Variants in BMPR1B observed in about 807,000 individuals in gnomAD.
BMPR1B encodes the protein bone morphogenetic protein receptor type 1B, also known as bone morphogenetic protein receptor type-1B.
Under a neutral mutation model 59.1 loss-of-function variants are expected in BMPR1B, and 12 were observed. That is an observed-to-expected ratio of 0.20 (90% CI 0.13 to 0.33). The LOEUF (loss-of-function observed/expected upper bound fraction) is 0.33. BMPR1B is among the 10% of genes least tolerant of loss of function. The probability of loss-of-function intolerance (pLI) is 1.00; values close to 1 mark genes in which losing one functional copy is unlikely to be tolerated. For missense variants in BMPR1B, 550 were observed against 610.9 expected (o/e 0.90, Z 1.05); for synonymous variants, 237 against 207.3 (o/e 1.14, Z -1.23).
rs34970181 is a variant in BMPR1B at position 95,148,783 on chromosome 4, G to T, written c.1112G>T (p.Arg371Leu). The T allele has an allele frequency of 2.0e-5, 32 of 1,613,756 alleles. No homozygotes were observed. Among genetic ancestry groups the T allele is most frequent in the South Asian group, 3.3e-5 (3 of 91,074 alleles). Residue 371 changes from arginine to leucine, a missense_variant, in exon 11 of 13, where the codon CGA becomes CTA. Arg to Leu is a moderately radical substitution (Grantham distance 102). This residue lies in a region of BMPR1B where 318 missense variants were observed against 284.6 expected (regional missense o/e 1.12). Transcript: ENST00000515059. The part of the protein sequence containing the change: ...TNEVDIPPNT[R>L]VGTKRYMPPE... ...GAAGTTGACATACCACCTAACACTC[G>T]AGTTGGCACCAAACGCTATATGCCT...
chr4:94,973,770 T>C (rs923626646), intron 2 of BMPR1B, among the ~76,000 whole-genome samples: 6 of 152,172 alleles, frequency 3.9e-5, no homozygotes, highest in Admixed American at 6.5e-5. Flanking sequence ...AGCATTTTCA[T>C]AGAACCCAGT....
rs914259395 is a variant in BMPR1B at position 95,158,370 on chromosome 4, G to A, written c.*3697G>A. On this transcript the variant is annotated 3_prime_UTR_variant, in exon 13 of 13. Coordinates refer to ENST00000515059, the MANE Select transcript of BMPR1B (RefSeq NM_001203.3). ...GGACTAGGGAACAAACAATTGTATT[G>A]TATTTGTTACAGATTGTATATGGCT... is the stretch of plus-strand genomic sequence containing the variant. 3 of 152,162 alleles carry A rather than the reference G, an allele frequency of 2.0e-5. No homozygotes were observed. The highest frequency in any genetic ancestry group is 4.4e-5 in the Non-Finnish European group (3 of 67,998). 9.4% of individuals were successfully genotyped at this position (152,162 alleles called of 1,614,324 possible). A position where few individuals can be genotyped will look rare whatever the true frequency, so the allele number is the denominator to read the frequency against.
chr4:94,836,336 T>C (rs1418838168), intron 1 of BMPR1B, among the ~76,000 whole-genome samples: 5 of 150,332 alleles, frequency 3.3e-5, no homozygotes, highest in African/African-American at 1.2e-4. Flanking sequence ...ATCGCCACAC[T>C]GACTTCCACA....
rs1167993081 is a variant in BMPR1B at position 95,042,972 on chromosome 4, G to A, written c.-18+46838G>A. On this transcript the variant is annotated intron_variant, in intron 3 of 12. Coordinates refer to ENST00000515059, the MANE Select transcript of BMPR1B (RefSeq NM_001203.3). ...GGGTGGATCATGAGGTCAGGAGATC[G>A]AGACCATCCTGGCTAACAAGGTGAA... is the stretch of plus-strand genomic sequence containing the variant. Among the ~76,000 whole-genome samples the A allele has an allele frequency of 4.0e-5, 6 of 150,984 alleles. No homozygotes were observed. The South Asian group carries it at 8.4e-4, about 21-fold the overall frequency.
chr4:94,830,013 A>G (rs770322642), intron 1 of BMPR1B, among the ~76,000 whole-genome samples: 38 of 152,308 alleles, frequency 2.5e-4, no homozygotes, highest in Non-Finnish European at 4.4e-4. Context: ...GAATTTAAAA[A>G]TATTAGAAAT....
At chr4:94,760,002 C>G (rs1721698434) in intron 1 of BMPR1B, among the ~76,000 whole-genome samples, 2 of 152,328 alleles carry the variant, frequency 1.3e-5, no homozygotes, top group Admixed American at 1.3e-4. Flanking sequence ...TTTGTCCAAT[C>G]TGAATTACCA....
At chr4:94,941,688 T>G (rs1392541582) in intron 2 of BMPR1B, among the ~76,000 whole-genome samples, 2 of 152,162 alleles carry the variant, frequency 1.3e-5, no homozygotes, top group African/African-American at 4.8e-5. Flanking sequence ...TGGTAATGAT[T>G]CATTTTTTTT....
intron 3 of BMPR1B, among the ~76,000 whole-genome samples, chr4:95,026,568 T>TA: frequency 6.6e-6 from 1 of 152,260 alleles, no homozygotes; most frequent in African/African-American, 2.4e-5. Flanking sequence ...TTATTTTAGA[T>TA]AAAAATGGTA....
chr4:94,771,038 G>A (rs995482994), intron 1 of BMPR1B, among the ~76,000 whole-genome samples: 6 of 152,088 alleles, frequency 3.9e-5, no homozygotes, highest in Admixed American at 6.6e-5. Context: ...TTAGGGAAAC[G>A]TGAGGGGCTG....
At chr4:94,783,088 C>T (rs1191410567) in intron 1 of BMPR1B, among the ~76,000 whole-genome samples, 1 of 152,174 alleles carries the variant, frequency 6.6e-6, no homozygotes, top group Non-Finnish European at 1.5e-5. Flanking sequence ...GGGTTTCTGT[C>T]TCTGACGGTC....
chr4:95,091,412 CAAAGGGACTACTGAG>C (rs1729979215), intron 3 of BMPR1B: 2 of 955,266 alleles, frequency 2.1e-6, no homozygotes, highest in Non-Finnish European at 2.5e-6. Flanking sequence ...AGCTTATAAT[CAAAGGGACTACTGAG>C]AAAAACAGCT....
At chr4:95,048,360 T>C (rs1726193732) in intron 3 of BMPR1B, among the ~76,000 whole-genome samples, 1 of 152,240 alleles carries the variant, frequency 6.6e-6, no homozygotes, top group African/African-American at 2.4e-5. Flanking sequence ...TGTTTTAACT[T>C]GTTTGAGAAA....
chr4:95,069,025 T>C (rs756767117), intron 3 of BMPR1B, among the ~76,000 whole-genome samples: 3 of 152,242 alleles, frequency 2.0e-5, no homozygotes, highest in Non-Finnish European at 4.4e-5. Flanking sequence ...GCTTAGGTTT[T>C]TACCAATAGG....
At chr4:94,759,501 A>C (rs1372052406) in intron 1 of BMPR1B, among the ~76,000 whole-genome samples, 1 of 152,246 alleles carries the variant, frequency 6.6e-6, no homozygotes, top group African/African-American at 2.4e-5. Context: ...CTGTTTTCTT[A>C]CATATATTTT....
chr4:95,006,270 C>A (rs1364203651), intron 3 of BMPR1B, among the ~76,000 whole-genome samples: 1 of 150,898 alleles, frequency 6.6e-6, no homozygotes, highest in South Asian at 2.1e-4. Context: ...TAGGGCCGGG[C>A]GCGATGGCTC....
chr4:94,874,488 G>T (rs956763320), intron 1 of BMPR1B, among the ~76,000 whole-genome samples: 4 of 151,996 alleles, frequency 2.6e-5, no homozygotes, highest in African/African-American at 4.8e-5. Context: ...AAATCATGGA[G>T]CATATGTAAA....
intron 10 of BMPR1B, among the ~76,000 whole-genome samples, chr4:95,143,467 C>A (rs75024440): frequency 1.6e-3 from 244 of 152,252 alleles, no homozygotes; most frequent in Non-Finnish European, 2.3e-3. Flanking sequence ...CTCTCAAAGT[C>A]TTTCCCTTTG....
At chr4:94,764,113 C>T (rs887887722) in intron 1 of BMPR1B, among the ~76,000 whole-genome samples, 1 of 152,160 alleles carries the variant, frequency 6.6e-6, no homozygotes, top group African/African-American at 2.4e-5. Flanking sequence ...TTTGCCAAAA[C>T]TGTTCTTATT....
intron 3 of BMPR1B, among the ~76,000 whole-genome samples, chr4:95,048,089 A>G (rs1226008569): frequency 6.6e-6 from 1 of 152,164 alleles, no homozygotes; most frequent in Non-Finnish European, 1.5e-5. Flanking sequence ...TCTGCTTAGG[A>G]TAATGCCCTC....
Sources: allele counts gnomAD v4.1 joint callset (sites outside exome capture counted in the v4.1 genomes callset), GRCh38; gene constraint gnomAD v4.1.1; regional missense constraint gnomAD v4.1.1; transcripts MANE v1.5; gene names NCBI Gene and HGNC (gene_info 2026-07-23, HGNC 2026-07-21).